CNTN4: variants seen among roughly 807,000 people sequenced by gnomAD.
The protein encoded by CNTN4 is contactin 4.
Under a neutral mutation model 122.5 loss-of-function variants are expected in CNTN4, and 77 were observed. The observed-to-expected ratio is 0.63, with a 90% CI of 0.52 to 0.76. The LOEUF (loss-of-function observed/expected upper bound fraction) is 0.76. Ranked by LOEUF, CNTN4 falls within the 30% of genes least tolerant of loss-of-function variation. The pLI, the probability that CNTN4 is intolerant of heterozygous loss-of-function variation, is 0.00. For missense variants in CNTN4, 1,256 were observed against 1,259.1 expected (o/e 1.00, Z 0.04); for synonymous variants, 512 against 447.0 (o/e 1.15, Z -1.83).
chr3:2,661,106 C>T lies in CNTN4; in HGVS notation c.56-75109C>T, dbSNP rs544365489. On this transcript the variant is annotated intron_variant, in intron 4 of 24. Coordinates refer to ENST00000418658, the MANE Select transcript of CNTN4 (RefSeq NM_175607.3). ...TCCTCTATATCCTACTACTACCAAA[C>T]AGTTTTTCTTCAGCTGAGCCAATAG... 2.0e-5 allele frequency among the ~76,000 whole-genome samples: 3 copies of T among 152,314 alleles called. No homozygotes were observed. The East Asian group carries it at 5.8e-4, about 29-fold the overall frequency.
chr3:2,110,872 C>T (rs1370312567), intron 2 of CNTN4, among the ~76,000 whole-genome samples: 11 of 152,078 alleles, frequency 7.2e-5, no homozygotes, highest in Admixed American at 7.2e-4. Flanking sequence ...TAGAAAATAA[C>T]CTGCTTTGAT....
At chr3:2,705,855 A>G (rs1326074469) in intron 4 of CNTN4, among the ~76,000 whole-genome samples, 4 of 92,752 alleles carry the variant, frequency 4.3e-5, no homozygotes, top group Non-Finnish European at 7.3e-5. Flanking sequence ...TATATAATAT[A>G]TGTGTTTATA....
intron 6 of CNTN4, among the ~76,000 whole-genome samples, chr3:2,762,540 T>C (rs1471843607): frequency 6.6e-6 from 1 of 152,190 alleles, no homozygotes; most frequent in African/African-American, 2.4e-5. Flanking sequence ...CATGATCTCA[T>C]TGTGTATGTA....
Position 2,759,132 on chromosome 3 carries a change from C to T in CNTN4, c.358+13435C>T, listed in dbSNP as rs191044084. Among the ~76,000 whole-genome samples the T allele has an allele frequency of 3.0e-4, 46 of 152,114 alleles. No homozygotes were observed. In the East Asian group the frequency reaches 7.4e-3, roughly 24 times the overall value. ...TTATGTTAGCAAGGTTCATCTGTGT[C>T]GTAGTGTGTATTAGTACTTCATTTC... is the stretch of plus-strand genomic sequence containing the variant. On this transcript the variant is annotated intron_variant, in intron 6 of 24. Transcript: ENST00000418658.
intron 3 of CNTN4, among the ~76,000 whole-genome samples, chr3:2,405,080 G>A (rs2046986047): frequency 6.6e-6 from 1 of 152,040 alleles, no homozygotes; most frequent in Admixed American, 6.6e-5. Flanking sequence ...TATTCTTTCT[G>A]TTTTAATCAT....
At chr3:2,513,102 A>G (rs921315098) in intron 3 of CNTN4, among the ~76,000 whole-genome samples, 4 of 152,188 alleles carry the variant, frequency 2.6e-5, no homozygotes, top group African/African-American at 9.6e-5. Context: ...AGTAGCAAAC[A>G]GTCCCAGGGC....
chr3:2,278,990 G>A (rs1379894422), intron 2 of CNTN4, among the ~76,000 whole-genome samples: 14 of 151,934 alleles, frequency 9.2e-5, no homozygotes, highest in African/African-American at 3.4e-4. Context: ...ACAAGATCAT[G>A]CCCATCAAGT....
intron 3 of CNTN4, among the ~76,000 whole-genome samples, chr3:2,363,366 G>A (rs907239716): frequency 6.6e-6 from 1 of 152,120 alleles, no homozygotes; most frequent in Non-Finnish European, 1.5e-5. Context: ...TAGAAAACCA[G>A]GTCTCAGAAG....
At chr3:2,491,447 G>A (rs924945378) in intron 3 of CNTN4, among the ~76,000 whole-genome samples, 6 of 152,110 alleles carry the variant, frequency 3.9e-5, no homozygotes, top group African/African-American at 1.2e-4. Flanking sequence ...AACTGCTATT[G>A]AATCTAAATT....
chr3:2,752,216 A>G (rs2090129536), intron 6 of CNTN4, among the ~76,000 whole-genome samples: 1 of 152,214 alleles, frequency 6.6e-6, no homozygotes, highest in Non-Finnish European at 1.5e-5. Context: ...ACAGTGTGAT[A>G]CTTCAATACC....
In CNTN4 at chr3:2,387,985, A is replaced by G. The variant is rs139994021; in HGVS notation, c.-89+48752A>G. ...CTGTGTAAAATAATATTTTGGATCC[A>G]TTGTTTTGGTTTTCACACAGTGACT... On this transcript the variant is annotated intron_variant, in intron 3 of 24. Coordinates refer to ENST00000418658, the MANE Select transcript of CNTN4 (RefSeq NM_175607.3). Among the ~76,000 whole-genome samples, 426 of 152,336 alleles carry G rather than the reference A, an allele frequency of 2.8e-3. 3 individuals are homozygous for G. The highest frequency in any genetic ancestry group is 9.6e-3 in the African/African-American group (399 of 41,580).
intron 13 of CNTN4, among the ~76,000 whole-genome samples, chr3:2,952,548 A>G (rs1316985108): frequency 6.6e-6 from 1 of 152,220 alleles, no homozygotes; most frequent in East Asian, 1.9e-4. Flanking sequence ...AAATGAAATT[A>G]TATAATACCT....
intron 6 of CNTN4, among the ~76,000 whole-genome samples, chr3:2,756,871 T>C (rs1437514196): frequency 6.6e-6 from 1 of 152,176 alleles, no homozygotes; most frequent in Non-Finnish European, 1.5e-5. Context: ...TTCGGGTATC[T>C]AGCTTCCAGA....
chr3:2,420,074 A>G (rs936042166), intron 3 of CNTN4, among the ~76,000 whole-genome samples: 6 of 152,178 alleles, frequency 3.9e-5, no homozygotes, highest in Admixed American at 1.3e-4. Context: ...ATACAGTGCA[A>G]TAGTACAAGC....
chr3:2,232,374 G>A (rs2039519892), intron 2 of CNTN4, among the ~76,000 whole-genome samples: 1 of 152,102 alleles, frequency 6.6e-6, no homozygotes, highest in South Asian at 2.1e-4. Flanking sequence ...ACTATACTGT[G>A]TTGTATAGCA....
chr3:2,667,993 A>G (rs1455586658), intron 4 of CNTN4, among the ~76,000 whole-genome samples: 1 of 152,080 alleles, frequency 6.6e-6, no homozygotes. Flanking sequence ...TGGTTACTGT[A>G]GCCTTGTAGT....
At chr3:2,546,213 C>G (rs1011637610) in intron 3 of CNTN4, among the ~76,000 whole-genome samples, 1 of 151,854 alleles carries the variant, frequency 6.6e-6, no homozygotes, top group Non-Finnish European at 1.5e-5. Flanking sequence ...AATACACATT[C>G]ACTGCAGCAC....
chr3:2,804,929 C>G (rs1030439683), intron 6 of CNTN4, among the ~76,000 whole-genome samples: 2 of 152,116 alleles, frequency 1.3e-5, no homozygotes, highest in African/African-American at 4.8e-5. Flanking sequence ...AATCCCAACA[C>G]TTTGGGAGGC....
At chr3:3,020,352 C>T (rs768534037) in intron 14 of CNTN4, among the ~76,000 whole-genome samples, 7 of 152,028 alleles carry the variant, frequency 4.6e-5, no homozygotes, top group South Asian at 2.1e-4. Flanking sequence ...AAGCAGGGCA[C>T]GTGTAAAAAA....
Sources: allele counts gnomAD v4.1 joint callset (sites outside exome capture counted in the v4.1 genomes callset), GRCh38; gene constraint gnomAD v4.1.1; transcripts MANE v1.5; gene names NCBI Gene and HGNC (gene_info 2026-07-23, HGNC 2026-07-21).